FOCAD: variants seen among roughly 807,000 people sequenced by gnomAD.
FOCAD encodes KIAA1797.
A neutral mutation model predicts 225.6 loss-of-function variants in FOCAD; 198 were observed. The ratio of observed to expected loss-of-function variants is 0.88; its 90% CI spans 0.78 to 0.99. The LOEUF is 0.99. Ranked by LOEUF, FOCAD falls within the 50% of genes least tolerant of loss-of-function variation. The pLI is 0.00. For synonymous variants in FOCAD, 897 were observed against 755.0 expected (o/e 1.19, Z -3.08); for missense variants, 2,713 against 2,123.6 (o/e 1.28, Z -5.46).
intron 7 of FOCAD, among the ~76,000 whole-genome samples, chr9:20,766,441 G>A (rs1830058369): frequency 6.6e-6 from 1 of 152,074 alleles, no homozygotes; most frequent in Admixed American, 6.6e-5. Flanking sequence ...ACTATCTCAT[G>A]GCTAATTGAA....
At chr9:20,932,938 TATA>T in intron 27 of FOCAD, 73 bp from the exon 28 acceptor site, 1 of 1,022,252 alleles carries the variant, frequency 9.8e-7, no homozygotes, top group South Asian at 1.3e-5. Flanking sequence ...ATATTGAGAG[TATA>T]ATATTGTATT....
At chr9:20,959,848 T>C (rs1026207169) in intron 35 of FOCAD, among the ~76,000 whole-genome samples, 1 of 152,218 alleles carries the variant, frequency 6.6e-6, no homozygotes, top group African/African-American at 2.4e-5. Context: ...GCTATAGATA[T>C]ATAGATTAAT....
intron 11 of FOCAD, among the ~76,000 whole-genome samples, chr9:20,812,409 T>C (rs1271196616): frequency 6.6e-6 from 1 of 152,068 alleles, no homozygotes; most frequent in Non-Finnish European, 1.5e-5. Context: ...AATTTATAAG[T>C]AGATAACACT....
intron 15 of FOCAD, among the ~76,000 whole-genome samples, chr9:20,823,705 A>G (rs1222306786): frequency 2.0e-5 from 3 of 152,104 alleles, no homozygotes; most frequent in Admixed American, 2.0e-4. Context: ...TGACCTAACC[A>G]AAGGTTTTGA....
chr9:20,670,633 C>T (rs556540280), intron 2 of FOCAD, among the ~76,000 whole-genome samples: 2 of 152,272 alleles, frequency 1.3e-5, no homozygotes, highest in Admixed American at 1.3e-4. Context: ...CACCAAGTCC[C>T]TCCCTTGACA....
At chr9:20,655,914 A>C (rs1821469382), upstream of FOCAD, among the ~76,000 whole-genome samples, 1 of 152,130 alleles carries the variant, frequency 6.6e-6, no homozygotes, top group South Asian at 2.1e-4. Context: ...GTGGGCATTT[A>C]GTGCTATAAA....
intron 36 of FOCAD, 133 bp downstream of exon 36, chr9:20,976,681 G>T: frequency 1.0e-6 from 1 of 958,820 alleles, no homozygotes; most frequent in Admixed American, 2.0e-5. Context: ...ATGTTGGATG[G>T]AATGGCTGGG....
At chr9:20,761,666 C>G (rs1002849362) in intron 6 of FOCAD, among the ~76,000 whole-genome samples, 2 of 152,036 alleles carry the variant, frequency 1.3e-5, no homozygotes, top group African/African-American at 2.4e-5. Flanking sequence ...ATGATCCACC[C>G]GCCTCGGACT....
At chr9:20,736,760 G>A (rs1329256928) in intron 4 of FOCAD, among the ~76,000 whole-genome samples, 1 of 151,994 alleles carries the variant, frequency 6.6e-6, no homozygotes, top group South Asian at 2.1e-4. Context: ...GTAAGAGATG[G>A]GCTTATTATG....
chr9:20,775,778 T>A (rs912221741), intron 8 of FOCAD, among the ~76,000 whole-genome samples: 2 of 152,198 alleles, frequency 1.3e-5, no homozygotes, highest in Non-Finnish European at 2.9e-5. Context: ...AAGTATGGAC[T>A]CCAGGTTGTT....
chr9:20,672,607 C>G (rs1041653972), intron 2 of FOCAD, among the ~76,000 whole-genome samples: 3 of 152,176 alleles, frequency 2.0e-5, no homozygotes, highest in Non-Finnish European at 4.4e-5. Context: ...CCCGCCACCA[C>G]GCCCAGCTAA....
At chr9:20,832,969 G>A (rs1057406339) in intron 15 of FOCAD, among the ~76,000 whole-genome samples, 4 of 152,038 alleles carry the variant, frequency 2.6e-5, no homozygotes, top group African/African-American at 9.7e-5. Context: ...ACTAATAAAC[G>A]TGGGAATGCA....
chr9:20,943,561 G>A (rs1410798686), intron 28 of FOCAD, among the ~76,000 whole-genome samples: 3 of 152,116 alleles, frequency 2.0e-5, no homozygotes, highest in Admixed American at 6.5e-5. Context: ...TTAGGTGTGG[G>A]TGCTCCATTT....
intron 11 of FOCAD, among the ~76,000 whole-genome samples, chr9:20,803,672 G>T (rs569456874): frequency 6.6e-6 from 1 of 152,094 alleles, no homozygotes; most frequent in South Asian, 2.1e-4. Flanking sequence ...GGTCTGTTCT[G>T]TTAGAGAGTA....
At position 20,933,013 on chromosome 9, in the gene FOCAD, G is replaced by A; in HGVS notation, c.3318-1G>A. ...ATTGTTTCCCCTTGATCTTTAACCA[G>A]TGATATATCTGGCCAAGAGATGAAC... is the stretch of plus-strand genomic sequence containing the variant. On this transcript the variant is annotated splice_acceptor_variant, in intron 27 of 43. Transcript: ENST00000338382. LOFTEE classifies it high-confidence loss of function. 6.2e-7 allele frequency: 1 copy of A among 1,611,630 alleles called. No homozygotes were observed. The highest frequency in any genetic ancestry group is 1.3e-5 in the African/African-American group (1 of 74,906).
intron 11 of FOCAD, among the ~76,000 whole-genome samples, chr9:20,817,274 A>G (rs191278681): frequency 6.6e-6 from 1 of 152,278 alleles, no homozygotes; most frequent in African/African-American, 2.4e-5. Flanking sequence ...TTATATTTAC[A>G]GAGTTTTGTA....
chr9:20,670,741 G>A (rs1822040928), intron 2 of FOCAD, among the ~76,000 whole-genome samples: 2 of 151,568 alleles, frequency 1.3e-5, no homozygotes, highest in South Asian at 4.1e-4. Context: ...TAAGGAACCG[G>A]AAGCTTAGAG....
chr9:20,685,733 TC>T (rs763334957), intron 1 of FOCAD, among the ~76,000 whole-genome samples: 1 of 152,228 alleles, frequency 6.6e-6, no homozygotes, highest in Non-Finnish European at 1.5e-5. Context: ...GTAGTTACCA[TC>T]TCTTGGCTAA....
Position 20,990,550 on chromosome 9 carries a change from G to A in FOCAD, c.5256+176G>A, listed in dbSNP as rs146087878. ...CAGAGATTGAGGCTAGCCCAGGCTC[G>A]GGGCAACTGCTGATTAAACAACAAG... On this transcript the variant is annotated intron_variant, in intron 42 of 43. Transcript: ENST00000338382. Among the ~76,000 whole-genome samples, 8 of 152,316 alleles carry A rather than the reference G, an allele frequency of 5.3e-5. No homozygotes were observed. In the South Asian group the frequency reaches 6.2e-4, roughly 12 times the overall value.
Sources: allele counts gnomAD v4.1 joint callset (sites outside exome capture counted in the v4.1 genomes callset), GRCh38; gene constraint gnomAD v4.1.1; transcripts MANE v1.5; gene names NCBI Gene and HGNC (gene_info 2026-07-23, HGNC 2026-07-21).